FMN1: variants seen among roughly 807,000 people sequenced by gnomAD.
FMN1 encodes the protein formin-1.
In FMN1, 110 loss-of-function variants were observed where a neutral mutation model predicts 132.4. That is an observed-to-expected ratio of 0.83 (90% CI 0.71 to 0.97). The LOEUF (loss-of-function observed/expected upper bound fraction) is 0.97, where lower values mean the gene tolerates loss of function less well. FMN1 is among the 50% of genes least tolerant of loss of function. The probability of loss-of-function intolerance (pLI) is 0.00; values close to 1 mark genes in which losing one functional copy is unlikely to be tolerated. For missense variants in FMN1, 1,792 were observed against 1,705.3 expected, an observed-to-expected ratio of 1.05 and a Z score of -0.90; for synonymous variants, 722 against 651.7, an observed-to-expected ratio of 1.11 and a Z score of -1.64.
At chr15:32,884,379 T>C (rs1412745121) in intron 16 of FMN1, among the ~76,000 whole-genome samples, 1 of 152,084 alleles carries the variant, frequency 6.6e-6, no homozygotes, top group Non-Finnish European at 1.5e-5. Context: ...ACATTACATC[T>C]CTCTGATCAT....
intron 2 of FMN1, among the ~76,000 whole-genome samples, chr15:33,189,713 A>G (rs1439336177): frequency 6.6e-6 from 1 of 152,206 alleles, no homozygotes; most frequent in East Asian, 1.9e-4. Context: ...CCTCATCTGT[A>G]GGAGAGGTAC....
At chr15:32,932,600 G>C (rs1199437338) in intron 9 of FMN1, among the ~76,000 whole-genome samples, 1 of 152,110 alleles carries the variant, frequency 6.6e-6, no homozygotes, top group Admixed American at 6.6e-5. Context: ...TTAAATGTTT[G>C]GTAGAATTCT....
chr15:32,794,096 C>A (rs2057189306), intron 19 of FMN1, among the ~76,000 whole-genome samples: 1 of 152,096 alleles, frequency 6.6e-6, no homozygotes, highest in Non-Finnish European at 1.5e-5. Context: ...AAGGGTACAG[C>A]AGTTCCATAA....
intron 9 of FMN1, among the ~76,000 whole-genome samples, chr15:32,933,844 T>C (rs969314502): frequency 1.3e-5 from 2 of 152,188 alleles, no homozygotes; most frequent in Non-Finnish European, 2.9e-5. Context: ...AATATCTTTT[T>C]CCATCCCTTT....
At chr15:32,994,400 C>T (rs1203855146) in intron 7 of FMN1, among the ~76,000 whole-genome samples, 1 of 152,114 alleles carries the variant, frequency 6.6e-6, no homozygotes, top group Non-Finnish European at 1.5e-5. Context: ...CAAAGCTTCC[C>T]TGCAGTTCTC....
chr15:32,893,797 T>C (rs1395929024), intron 15 of FMN1, among the ~76,000 whole-genome samples: 5 of 152,252 alleles, frequency 3.3e-5, no homozygotes, highest in South Asian at 2.1e-4. Flanking sequence ...CTCTGTGAAG[T>C]TGATTCCACT....
chr15:32,994,980 T>C (rs2033677776), intron 7 of FMN1, among the ~76,000 whole-genome samples: 1 of 152,042 alleles, frequency 6.6e-6, no homozygotes, highest in Non-Finnish European at 1.5e-5. Context: ...TGTGTTTCAA[T>C]CATCAAAAGA....
intron 6 of FMN1, among the ~76,000 whole-genome samples, chr15:33,014,109 G>A (rs1596471217): frequency 6.6e-6 from 1 of 152,182 alleles, no homozygotes; most frequent in East Asian, 1.9e-4. Flanking sequence ...AGAATCCCTG[G>A]GCAGCATGTA....
intron 17 of FMN1, among the ~76,000 whole-genome samples, chr15:32,821,408 A>ACATGATAAATTCC (rs2058213310): frequency 6.6e-6 from 1 of 150,680 alleles, no homozygotes. Flanking sequence ...ACTGGTTTGA[A>ACATGATAAATTCC]CATGATAAAT....
At chr15:33,022,067 C>G (rs919138737) in intron 6 of FMN1, among the ~76,000 whole-genome samples, 1 of 152,170 alleles carries the variant, frequency 6.6e-6, no homozygotes, top group Admixed American at 6.5e-5. Context: ...TCCGTGAGTC[C>G]TTATATATAA....
chr15:33,171,980 C>A (rs1258958132), intron 3 of FMN1, among the ~76,000 whole-genome samples: 1 of 152,100 alleles, frequency 6.6e-6, no homozygotes, highest in Admixed American at 6.5e-5. Context: ...GAGGCCAAGG[C>A]GGGTGGATCA....
At chr15:33,025,024 ACT>A (rs1350698157) in intron 6 of FMN1, among the ~76,000 whole-genome samples, 3 of 152,120 alleles carry the variant, frequency 2.0e-5, no homozygotes, top group Non-Finnish European at 4.4e-5. Context: ...CATACTATCC[ACT>A]GTTTTGAGAC....
In FMN1 at chr15:33,025,310, G is replaced by A. The variant is rs532117513; in HGVS notation, c.2162-17235C>T. Among the ~76,000 whole-genome samples, 12 of 152,106 alleles carry A rather than the reference G, an allele frequency of 7.9e-5. No homozygotes were observed. In the South Asian group the frequency reaches 2.5e-3, roughly 32 times the overall value. On this transcript the variant is annotated intron_variant, in intron 6 of 20. Coordinates refer to ENST00000616417, the MANE Select transcript of FMN1 (RefSeq NM_001277313.2). ...TAGATCAAGCAAATAAAAACATAAT[G>A]ACTGACACAATCAACAATCTTGATT...
chr15:33,124,266 A>AT (rs3980153), intron 4 of FMN1, among the ~76,000 whole-genome samples: 2,211 of 152,218 alleles, frequency 0.015, 51 homozygotes, highest in African/African-American at 0.051. Context: ...AAAAAAACAC[A>AT]TTGACATTCA....
chr15:33,007,653 C>T (rs2034488572), intron 7 of FMN1, among the ~76,000 whole-genome samples: 1 of 152,060 alleles, frequency 6.6e-6, no homozygotes, highest in South Asian at 2.1e-4. Flanking sequence ...GACATGAACA[C>T]CCGAACAAGA....
Position 32,994,232 on chromosome 15 carries a change from T to TCTCTCTCTCTCTCTCTCTCTCTCA in FMN1, c.2223+13781_2223+13782insTGAGAGAGAGAGAGAGAGAGAGAG, listed in dbSNP as rs904998781. ...TCATTCCTCTCTCTCTCTCTCTCTC[T>TCTCTCTCTCTCTCTCTCTCTCTCA]CACACACACACACACACAGACACAC... On this transcript the variant is annotated intron_variant, in intron 7 of 20. Coordinates refer to ENST00000616417, the MANE Select transcript of FMN1 (RefSeq NM_001277313.2). 0.01 allele frequency among the ~76,000 whole-genome samples: 380 copies of TCTCTCTCTCTCTCTCTCTCTCTCA among 37,166 alleles called. 6 individuals carry two copies. In the East Asian group the frequency reaches 0.24, roughly 23 times the overall value. The allele number at this position is 37,166 out of a possible 152,430, so 24.4% of individuals were successfully genotyped here. A position where few individuals can be genotyped will look rare whatever the true frequency, so the allele number is the denominator to read the frequency against.
chr15:33,143,118 C>T (rs1045701554), intron 4 of FMN1, among the ~76,000 whole-genome samples: 1 of 152,130 alleles, frequency 6.6e-6, no homozygotes, highest in Admixed American at 6.5e-5. Context: ...TTTCTTTGTT[C>T]CCCAAAGGTT....
chr15:32,977,703 T>C (rs965845063), intron 7 of FMN1, among the ~76,000 whole-genome samples: 1 of 152,214 alleles, frequency 6.6e-6, no homozygotes, highest in Non-Finnish European at 1.5e-5. Flanking sequence ...AACACATCTC[T>C]ATTCATAAAA....
intron 7 of FMN1, among the ~76,000 whole-genome samples, chr15:33,005,184 TATA>T (rs539333745): frequency 6.6e-6 from 1 of 150,860 alleles, no homozygotes; most frequent in Non-Finnish European, 1.5e-5. Context: ...AAACTTAAAG[TATA>T]ATAATAATAT....
Sources: allele counts gnomAD v4.1 joint callset (sites outside exome capture counted in the v4.1 genomes callset), GRCh38; gene constraint gnomAD v4.1.1; transcripts MANE v1.5; gene names NCBI Gene and HGNC (gene_info 2026-07-23, HGNC 2026-07-21).